The following ANO4 variants were observed in gnomAD, a reference collection of about 807,000 sequenced individuals.
ANO4 encodes the protein anoctamin 4.
Under a neutral mutation model 141.9 loss-of-function variants are expected in ANO4, and 69 were observed. The observed-to-expected ratio is 0.49, with a 90% CI of 0.40 to 0.59. The LOEUF (loss-of-function observed/expected upper bound fraction) is 0.59. ANO4 is among the 20% of genes least tolerant of loss of function. The pLI is 0.00. For synonymous variants in ANO4, 350 were observed against 394.3 expected, an observed-to-expected ratio of 0.89 and a Z score of 1.33; for missense variants, 894 against 1,162.2, an observed-to-expected ratio of 0.77 and a Z score of 3.36.
At chr12:100,825,043 GT>G in intron 1 of ANO4, among the ~76,000 whole-genome samples, 2 of 151,868 alleles carry the variant, frequency 1.3e-5, no homozygotes, top group South Asian at 4.1e-4. Context: ...GTTTTCTCCT[GT>G]TTATTTCTTA....
intron 1 of ANO4, among the ~76,000 whole-genome samples, chr12:100,884,978 A>G (rs767429445): frequency 2.0e-5 from 3 of 152,210 alleles, no homozygotes; most frequent in Non-Finnish European, 2.9e-5. Context: ...TACAGGCATG[A>G]GCCACCATAC....
At chr12:101,036,952 G>T in intron 9 of ANO4, 143 bp from the exon 10 acceptor site, 1 of 652,304 alleles carries the variant, frequency 1.5e-6, no homozygotes, top group Non-Finnish European at 2.5e-6. Flanking sequence ...CGGCAGCAGA[G>T]CTTTTTTTCT....
intron 8 of ANO4, among the ~76,000 whole-genome samples, chr12:101,010,534 A>T (rs949206819): frequency 1.3e-5 from 2 of 152,204 alleles, no homozygotes; most frequent in Non-Finnish European, 2.9e-5. Flanking sequence ...CAAGATTAGA[A>T]GTTAGATATT....
intron 14 of ANO4, among the ~76,000 whole-genome samples, chr12:101,061,816 G>T (rs959183323): frequency 2.0e-5 from 3 of 151,794 alleles, no homozygotes; most frequent in Non-Finnish European, 4.4e-5. Flanking sequence ...CCTTGCATTG[G>T]GTTAGAACAT....
chr12:101,035,659 T>C (rs1433033777), intron 9 of ANO4, among the ~76,000 whole-genome samples: 1 of 152,212 alleles, frequency 6.6e-6, no homozygotes, highest in Non-Finnish European at 1.5e-5. Context: ...GCATTAGGTT[T>C]GTCCATAATG....
At chr12:100,791,935 C>A (rs1669684868), upstream of ANO4, among the ~76,000 whole-genome samples, 4 of 152,212 alleles carry the variant, frequency 2.6e-5, no homozygotes, top group South Asian at 6.2e-4. Context: ...ATGGAAGAGA[C>A]ACAGACTTTT....
intron 3 of ANO4, among the ~76,000 whole-genome samples, chr12:100,764,408 T>C (rs908350688): frequency 6.6e-6 from 1 of 152,202 alleles, no homozygotes; most frequent in Admixed American, 6.5e-5. Context: ...CTAAGAAAAC[T>C]CAAGATTTTG....
At chr12:101,068,111 C>T (rs570822751) in intron 14 of ANO4, among the ~76,000 whole-genome samples, 94 of 152,280 alleles carry the variant, frequency 6.2e-4, no homozygotes, top group African/African-American at 2.1e-3. Flanking sequence ...GAAGATACCT[C>T]CTTTTAAATG....
intron 8 of ANO4, among the ~76,000 whole-genome samples, chr12:101,010,554 T>C (rs1334371149): frequency 6.6e-6 from 1 of 152,184 alleles, no homozygotes; most frequent in Non-Finnish European, 1.5e-5. Context: ...TGTGCTGCAG[T>C]TGCCTAAGGC....
intron 1 of ANO4, among the ~76,000 whole-genome samples, chr12:100,721,260 TA>T (rs2030852564): frequency 6.6e-6 from 1 of 152,224 alleles, no homozygotes; most frequent in South Asian, 2.1e-4. Flanking sequence ...GCTCTAGCCT[TA>T]ACCCAGGGTT....
At chr12:101,114,277 T>G (rs2050769178) in intron 24 of ANO4, among the ~76,000 whole-genome samples, 1 of 152,230 alleles carries the variant, frequency 6.6e-6, no homozygotes, top group Non-Finnish European at 1.5e-5. Flanking sequence ...CTATTTGATA[T>G]TGACAATAGC....
At chr12:100,947,818 C>T (rs2042786471) in intron 5 of ANO4, among the ~76,000 whole-genome samples, 1 of 152,134 alleles carries the variant, frequency 6.6e-6, no homozygotes, top group African/African-American at 2.4e-5. Flanking sequence ...ATTATTAAAA[C>T]CTAAGCATAC....
chr12:101,127,165 TA>T, intron 27 of ANO4, 91 bp downstream of exon 27: 1 of 1,255,244 alleles, frequency 8.0e-7, no homozygotes, highest in Non-Finnish European at 1.1e-6. Context: ...ATTGTTGCAG[TA>T]ACAGGGATCA....
intron 1 of ANO4, among the ~76,000 whole-genome samples, chr12:100,891,620 G>T (rs1818554555): frequency 2.0e-5 from 3 of 151,736 alleles, no homozygotes. Context: ...TTTTATTTAT[G>T]TACTTATTTT....
intron 9 of ANO4, among the ~76,000 whole-genome samples, chr12:101,021,330 G>A (rs2046516032): frequency 6.6e-6 from 1 of 152,166 alleles, no homozygotes; most frequent in Admixed American, 6.5e-5. Flanking sequence ...CGCACTGCAG[G>A]AGCTGGGTAC....
At chr12:100,766,169 G>A (rs1389981832) in intron 3 of ANO4, among the ~76,000 whole-genome samples, 3 of 152,046 alleles carry the variant, frequency 2.0e-5, no homozygotes. Flanking sequence ...TGTCCTCCAG[G>A]TTCATCCAGG....
intron 7 of ANO4, among the ~76,000 whole-genome samples, chr12:100,980,549 AG>A (rs2044413338): frequency 6.6e-6 from 1 of 152,234 alleles, no homozygotes; most frequent in Non-Finnish European, 1.5e-5. Flanking sequence ...TATTTAAGTT[AG>A]CTTGGAGTTT....
At chr12:101,124,820 A>C (rs2137074737) in intron 26 of ANO4, among the ~76,000 whole-genome samples, 1 of 152,206 alleles carries the variant, frequency 6.6e-6, no homozygotes, top group Middle Eastern at 3.4e-3. Context: ...AATCTGTTCC[A>C]TTGGTCTATG....
chr12:101,043,769 C>A, intron 13 of ANO4, 134 bp downstream of exon 13: 2 of 649,926 alleles, frequency 3.1e-6, no homozygotes, highest in Non-Finnish European at 5.4e-6. Flanking sequence ...TTATCTCCAT[C>A]ATTCAGTATT....
Sources: gnomAD v4.1 joint callset for allele counts (sites outside exome capture counted in the v4.1 genomes callset) on GRCh38, gnomAD v4.1.1 for gene constraint, MANE v1.5 for transcripts, NCBI Gene and HGNC (gene_info 2026-07-23, HGNC 2026-07-21) for gene names.